CIB4: variants seen among roughly 807,000 people sequenced by gnomAD.
The protein encoded by CIB4 is calcium and integrin binding family member 4, also known as calcium and integrin-binding family member 4.
In CIB4, 25 loss-of-function variants were observed where a neutral mutation model predicts 25.8. The observed-to-expected ratio is 0.97, with a 90% CI of 0.71 to 1.35. The LOEUF (loss-of-function observed/expected upper bound fraction) is 1.35. Among genes scored for constraint, CIB4 ranks in the 40% most tolerant of loss-of-function variants. The probability of loss-of-function intolerance (pLI) is 0.00; values close to 1 mark genes in which losing one functional copy is unlikely to be tolerated. For missense variants in CIB4, 235 were observed against 228.2 expected (o/e 1.03, Z -0.19); for synonymous variants, 75 against 81.4 (o/e 0.92, Z 0.42).
In CIB4 at chr2:26,618,663, G is replaced by A. The variant is rs1263413664; in HGVS notation, c.186+10747C>T. ...AGAGAGCCAAGCCTGCCTTGGGCCTGGGGGTCCAGTCGGACCGGGTGCTGG... is the reference window on the plus strand; with the variant it reads ...AGAGAGCCAAGCCTGCCTTGGGCCTAGGGGTCCAGTCGGACCGGGTGCTGG... On this transcript the variant is annotated intron_variant, in intron 3 of 6. Transcript: ENST00000288861. Among the ~76,000 whole-genome samples, 5 of 152,318 alleles carry A rather than the reference G, an allele frequency of 3.3e-5. No homozygotes were observed. The East Asian group carries it at 9.7e-4, about 29-fold the overall frequency.
At chr2:26,589,702 G>A (rs927975248) in intron 4 of CIB4, among the ~76,000 whole-genome samples, 8 of 152,180 alleles carry the variant, frequency 5.3e-5, no homozygotes, top group African/African-American at 1.7e-4. Context: ...ATGACACCAT[G>A]TCCAGCTTAA....
chr2:26,583,981 C>T (rs1668403212), intron 4 of CIB4, 83 bp from the exon 5 acceptor site: 5 of 863,104 alleles, frequency 5.8e-6, no homozygotes, highest in Admixed American at 5.8e-5. Flanking sequence ...GGGGACACAG[C>T]ACCAGCCAGG....
At chr2:26,628,129 C>A (rs1258497239) in intron 3 of CIB4, among the ~76,000 whole-genome samples, 1 of 152,210 alleles carries the variant, frequency 6.6e-6, no homozygotes, top group Non-Finnish European at 1.5e-5. Flanking sequence ...GATTTGTTAA[C>A]GTGACATTTC....
intron 3 of CIB4, among the ~76,000 whole-genome samples, chr2:26,613,113 CT>C (rs1669027457): frequency 6.6e-6 from 1 of 152,196 alleles, no homozygotes; most frequent in African/African-American, 2.4e-5. Context: ...TCAGCTTCAG[CT>C]TTCTAGGAGA....
rs375120650 is a variant in CIB4 at position 26,581,385 on chromosome 2, C to T, written c.536G>A (p.Arg179Gln). The change falls in exon 7 of 7, where the codon CGG becomes CAG. Residue 179 changes from arginine to glutamine, a missense_variant. Transcript: ENST00000288861. ...ACATCAGCATCCCCAGAAGTGAATC[C>T]GAAAGGAGCTGAAAGAAAGAATCCC... ...AKSPDFMNSF[R>Q]IHFWGC The T allele has an allele frequency of 3.2e-5, 52 of 1,613,520 alleles. No homozygotes were observed. Among genetic ancestry groups the T allele is most frequent in the Middle Eastern group, 1.6e-4 (1 of 6,078 alleles).
intron 4 of CIB4, among the ~76,000 whole-genome samples, chr2:26,585,311 G>A (rs1236280660): frequency 6.6e-6 from 1 of 152,112 alleles, no homozygotes; most frequent in Non-Finnish European, 1.5e-5. Flanking sequence ...AGCCACCCTG[G>A]GGTGCTTGGC....
intron 3 of CIB4, among the ~76,000 whole-genome samples, chr2:26,608,606 C>T (rs1461999866): frequency 6.6e-6 from 1 of 152,168 alleles, no homozygotes; most frequent in Non-Finnish European, 1.5e-5. Context: ...AGGCTGACTC[C>T]CAGGCTGCCC....
chr2:26,638,404 G>C (rs1331498280), intron 2 of CIB4, among the ~76,000 whole-genome samples: 1 of 152,152 alleles, frequency 6.6e-6, no homozygotes, highest in Non-Finnish European at 1.5e-5. Context: ...TTTCTCCGAA[G>C]GCCAAGGCAG....
chr2:26,590,258 TA>T lies in CIB4; in HGVS notation c.328+4917del, dbSNP rs869097756. 2.1e-3 allele frequency among the ~76,000 whole-genome samples: 128 copies of T among 61,828 alleles called. 1 individual carries two copies. Among genetic ancestry groups the T allele is most frequent in the Middle Eastern group, 0.014 (1 of 70 alleles). 40.6% of individuals were successfully genotyped at this position (61,828 alleles called of 152,430 possible). A position where few individuals can be genotyped will look rare whatever the true frequency, so the allele number is the denominator to read the frequency against. On this transcript the variant is annotated intron_variant, in intron 4 of 6. Coordinates refer to ENST00000288861, the MANE Select transcript of CIB4 (RefSeq NM_001029881.3). Reference sequence around the variant, plus strand: ...CCTGGAGCTGGGGCCCAAGCATCTGTAAAAAAAAAAAAAAAAAAAAAAAAAA... The same window carrying T: ...CCTGGAGCTGGGGCCCAAGCATCTGTAAAAAAAAAAAAAAAAAAAAAAAAA...
chr2:26,584,022 GC>G (rs946683036), intron 4 of CIB4, 124 bp from the exon 5 acceptor site: 55 of 627,780 alleles, frequency 8.8e-5, no homozygotes, highest in Non-Finnish European at 1.4e-4. Flanking sequence ...CCTCTGGGAG[GC>G]CCCCCAGAGC....
intron 3 of CIB4, among the ~76,000 whole-genome samples, chr2:26,616,048 C>T (rs1669086082): frequency 6.6e-6 from 1 of 152,322 alleles, no homozygotes; most frequent in Admixed American, 6.5e-5. Flanking sequence ...CTGCCGATTT[C>T]CATCAGCCAT....
intron 3 of CIB4, among the ~76,000 whole-genome samples, chr2:26,609,448 G>A (rs1171683513): frequency 1.3e-5 from 2 of 152,198 alleles, no homozygotes; most frequent in African/African-American, 4.8e-5. Flanking sequence ...TGACATGAGT[G>A]GAATTTTTGC....
chr2:26,589,148 C>T (rs1434218775), intron 4 of CIB4, among the ~76,000 whole-genome samples: 9 of 112,214 alleles, frequency 8.0e-5, no homozygotes, highest in East Asian at 7.7e-4. Flanking sequence ...TTCTCCTTCC[C>T]CTTCCCCTTC....
intron 4 of CIB4, among the ~76,000 whole-genome samples, chr2:26,585,515 G>A (rs1316326458): frequency 6.6e-6 from 1 of 152,042 alleles, no homozygotes; most frequent in African/African-American, 2.4e-5. Flanking sequence ...GGATGGGCCG[G>A]GTGGTAAACA....
chr2:26,593,594 T>C (rs1475130488), intron 4 of CIB4, among the ~76,000 whole-genome samples: 1 of 152,202 alleles, frequency 6.6e-6, no homozygotes, highest in East Asian at 1.9e-4. Context: ...GTCTCCATTC[T>C]TGAGAATTCA....
At chr2:26,601,121 T>G (rs1668774686) in intron 3 of CIB4, among the ~76,000 whole-genome samples, 1 of 150,238 alleles carries the variant, frequency 6.7e-6, no homozygotes, top group African/African-American at 2.5e-5. Flanking sequence ...CTTGGGAGGC[T>G]GAGGTACAAG....
chr2:26,624,112 C>T (rs1333462816), intron 3 of CIB4, among the ~76,000 whole-genome samples: 1 of 152,170 alleles, frequency 6.6e-6, no homozygotes, highest in African/African-American at 2.4e-5. Context: ...ATAGGCAGAC[C>T]CTTCCCAATA....
chr2:26,588,990 C>T (rs866912582), intron 4 of CIB4, among the ~76,000 whole-genome samples: 85 of 6,848 alleles, frequency 0.012, 5 homozygotes, highest in African/African-American at 0.027. Context: ...TCTTCTTCTT[C>T]TTCTTCTTCT....
chr2:26,640,130 G>A (rs575146818), intron 2 of CIB4, among the ~76,000 whole-genome samples: 5 of 152,182 alleles, frequency 3.3e-5, no homozygotes, highest in East Asian at 1.9e-4. Context: ...GGAGGGAGGT[G>A]GAGAGGGAAG....
Sources: gnomAD v4.1 joint callset for allele counts (sites outside exome capture counted in the v4.1 genomes callset) on GRCh38, gnomAD v4.1.1 for gene constraint, MANE v1.5 for transcripts, NCBI Gene and HGNC (gene_info 2026-07-23, HGNC 2026-07-21) for gene names.